TCERG1L: variants seen among roughly 807,000 people sequenced by gnomAD.
TCERG1L encodes the protein transcription elongation regulator 1 like, also known as transcription elongation regulator 1-like protein.
A neutral mutation model predicts 56.3 loss-of-function variants in TCERG1L; 37 were observed. The ratio of observed to expected loss-of-function variants is 0.66; its 90% CI spans 0.51 to 0.87. The LOEUF (loss-of-function observed/expected upper bound fraction) is 0.87. Ranked by LOEUF, TCERG1L falls within the 40% of genes least tolerant of loss-of-function variation. The pLI, the probability that TCERG1L is intolerant of heterozygous loss-of-function variation, is 0.00. For missense variants in TCERG1L, 799 were observed against 774.2 expected (o/e 1.03, Z -0.38); for synonymous variants, 324 against 326.3 (o/e 0.99, Z 0.08).
At position 131,308,408 on chromosome 10, in the gene TCERG1L, C is replaced by G. The variant is rs1435107915; in HGVS notation, c.490-17G>C. ...AAAAAAGATCTGTCGAAAAATAATG[C>G]AAGCATAACACTGAAGGCAAGGTGC... On this transcript the variant is annotated splice_polypyrimidine_tract_variant and intron_variant, in intron 2 of 11. Transcript: ENST00000368642. 1.2e-6 allele frequency: 2 copies of G among 1,609,190 alleles called. No individual in the cohort carries two copies. The highest frequency in any genetic ancestry group is 1.7e-6 in the Non-Finnish European group (2 of 1,176,672).
At chr10:131,273,759 C>T (rs1432466777) in intron 3 of TCERG1L, among the ~76,000 whole-genome samples, 2 of 152,132 alleles carry the variant, frequency 1.3e-5, no homozygotes, top group Non-Finnish European at 2.9e-5. Context: ...TCCAGGAAGC[C>T]CCAGGGCCAG....
intron 4 of TCERG1L, among the ~76,000 whole-genome samples, chr10:131,227,970 ACCCCACCCCT>A (rs1845811122): frequency 6.9e-6 from 1 of 145,250 alleles, no homozygotes; most frequent in African/African-American, 2.6e-5. Context: ...TGCCCTCCTC[ACCCCACCCCT>A]CCTCACCCCC....
intron 4 of TCERG1L, among the ~76,000 whole-genome samples, chr10:131,230,398 C>G (rs1041865485): frequency 1.3e-5 from 2 of 152,246 alleles, no homozygotes; most frequent in Non-Finnish European, 2.9e-5. Flanking sequence ...CGTGCAGGCC[C>G]CTTGCTGCCA....
At chr10:131,147,802 GC>G (rs1193417156) in intron 6 of TCERG1L, among the ~76,000 whole-genome samples, 1 of 152,238 alleles carries the variant, frequency 6.6e-6, no homozygotes, top group African/African-American at 2.4e-5. Flanking sequence ...CACGGCCTAG[GC>G]CCCCGGTAGC....
intron 4 of TCERG1L, among the ~76,000 whole-genome samples, chr10:131,241,471 C>A (rs539620749): frequency 6.6e-6 from 1 of 150,946 alleles, no homozygotes; most frequent in African/African-American, 2.4e-5. Context: ...ATCGTCCATA[C>A]GCAACATGAA....
chr10:131,214,304 G>A (rs1159754308), intron 4 of TCERG1L, among the ~76,000 whole-genome samples: 2 of 151,544 alleles, frequency 1.3e-5, no homozygotes, highest in East Asian at 4.0e-4. Flanking sequence ...GACCCCCAGG[G>A]AGTCTGGATG....
chr10:131,289,533 C>T (rs1447998561), intron 3 of TCERG1L, among the ~76,000 whole-genome samples: 1 of 52,006 alleles, frequency 1.9e-5, no homozygotes, highest in African/African-American at 5.0e-5. Context: ...CATCTCCTAT[C>T]GGTGTGTATG....
intron 4 of TCERG1L, among the ~76,000 whole-genome samples, chr10:131,171,624 G>A (rs975468659): frequency 6.6e-6 from 1 of 152,102 alleles, no homozygotes; most frequent in African/African-American, 2.4e-5. Flanking sequence ...TGTCATCCAG[G>A]CTGGAGTGGG....
At chr10:131,279,976 C>T (rs966254323) in intron 3 of TCERG1L, among the ~76,000 whole-genome samples, 4 of 152,306 alleles carry the variant, frequency 2.6e-5, no homozygotes, top group Non-Finnish European at 4.4e-5. Context: ...AGCCAGCCTA[C>T]ACCCTTTCGT....
At chr10:131,117,963 G>A (rs1196281268) in intron 8 of TCERG1L, among the ~76,000 whole-genome samples, 1 of 151,984 alleles carries the variant, frequency 6.6e-6, no homozygotes, top group East Asian at 1.9e-4. Context: ...CCCTGCCTGG[G>A]GGCAGGTCCG....
intron 4 of TCERG1L, among the ~76,000 whole-genome samples, chr10:131,178,727 G>A (rs530462821): frequency 2.6e-5 from 4 of 152,240 alleles, no homozygotes; most frequent in South Asian, 2.1e-4. Context: ...AGGTGTCTCC[G>A]GGATCCCTCG....
intron 4 of TCERG1L, among the ~76,000 whole-genome samples, chr10:131,243,341 G>A (rs1292627472): frequency 3.3e-5 from 5 of 152,116 alleles, no homozygotes; most frequent in African/African-American, 9.7e-5. Flanking sequence ...CAGCATTCTG[G>A]GAGGCCGAGA....
intron 3 of TCERG1L, among the ~76,000 whole-genome samples, chr10:131,261,965 G>A (rs952745036): frequency 3.9e-5 from 6 of 152,234 alleles, no homozygotes; most frequent in Non-Finnish European, 7.3e-5. Flanking sequence ...GCAGGCGTGC[G>A]AAGGCCCCGT....
chr10:131,176,260 GCACA>G (rs1163969470), intron 4 of TCERG1L, among the ~76,000 whole-genome samples: 1 of 146,822 alleles, frequency 6.8e-6, no homozygotes, highest in Non-Finnish European at 1.5e-5. Context: ...AGAGACGGAT[GCACA>G]CACAGACACG....
intron 4 of TCERG1L, among the ~76,000 whole-genome samples, chr10:131,173,461 G>A (rs953063054): frequency 2.6e-5 from 4 of 152,180 alleles, no homozygotes; most frequent in Admixed American, 2.0e-4. Flanking sequence ...ACACAGTCAG[G>A]GCCCGTTGTA....
intron 4 of TCERG1L, among the ~76,000 whole-genome samples, chr10:131,168,676 C>T (rs149502399): frequency 5.9e-5 from 9 of 152,314 alleles, no homozygotes; most frequent in East Asian, 1.9e-4. Flanking sequence ...CTCTGCACAG[C>T]GCCCTGCCGG....
intron 4 of TCERG1L, among the ~76,000 whole-genome samples, chr10:131,212,713 T>C (rs924362655): frequency 6.6e-6 from 1 of 152,212 alleles, no homozygotes; most frequent in Admixed American, 6.5e-5. Flanking sequence ...TTAGTTCTAT[T>C]TGTGAGTGGC....
intron 4 of TCERG1L, among the ~76,000 whole-genome samples, chr10:131,178,726 C>T (rs1019783846): frequency 5.9e-5 from 9 of 152,280 alleles, no homozygotes; most frequent in Admixed American, 2.6e-4. Context: ...CAGGTGTCTC[C>T]GGGATCCCTC....
At chr10:131,109,073 T>TG (rs145802182) in intron 9 of TCERG1L, among the ~76,000 whole-genome samples, 4,177 of 148,274 alleles carry the variant, frequency 0.028, 205 homozygotes, top group African/African-American at 0.098. Context: ...TGTTGTGGGG[T>TG]GGGGGGGGTG....
Sources: allele counts gnomAD v4.1 joint callset (sites outside exome capture counted in the v4.1 genomes callset), GRCh38; gene constraint gnomAD v4.1.1; transcripts MANE v1.5; gene names NCBI Gene and HGNC (gene_info 2026-07-23, HGNC 2026-07-21).